ARL15: variants seen among roughly 807,000 people sequenced by gnomAD.
ARL15 encodes ARF like GTPase 15.
A neutral mutation model predicts 25.2 loss-of-function variants in ARL15; 19 were observed. The observed-to-expected ratio is 0.75, with a 90% CI of 0.53 to 1.10. ARL15 has a LOEUF of 1.10. Among genes scored for constraint, ARL15 ranks in the 50% least tolerant of loss-of-function variants. The pLI, the probability that ARL15 is intolerant of heterozygous loss-of-function variation, is 0.00. For missense variants in ARL15, 220 were observed against 246.0 expected, an observed-to-expected ratio of 0.89 and a Z score of 0.71; for synonymous variants, 94 against 86.8, an observed-to-expected ratio of 1.08 and a Z score of -0.46.
At chr5:53,907,476 ATATATATATATATTTTTTT>A (rs1307725418) in intron 4 of ARL15, among the ~76,000 whole-genome samples, 16 of 25,112 alleles carry the variant, frequency 6.4e-4, no homozygotes, top group Non-Finnish European at 1.1e-3. Context: ...ATATATATAT[ATATATATATATATTTTTTT>A]TTTTTTTTTT....
intron 4 of ARL15, among the ~76,000 whole-genome samples, chr5:53,959,782 A>C (rs895221702): frequency 2.7e-5 from 4 of 149,924 alleles, no homozygotes; most frequent in Non-Finnish European, 4.4e-5. Context: ...CTCCCTCCTC[A>C]CTCCCTGCCC....
chr5:54,304,714 T>G (rs1204691923), intron 1 of ARL15, among the ~76,000 whole-genome samples: 1 of 152,244 alleles, frequency 6.6e-6, no homozygotes, highest in Admixed American at 6.5e-5. Flanking sequence ...GAAAGGAATA[T>G]TTAATATGAC....
chr5:54,094,998 CAG>C (rs1180614712), intron 4 of ARL15, among the ~76,000 whole-genome samples: 4 of 152,156 alleles, frequency 2.6e-5, no homozygotes, highest in Non-Finnish European at 5.9e-5. Flanking sequence ...AAGAAGAAAA[CAG>C]TGTGAAATCA....
intron 4 of ARL15, among the ~76,000 whole-genome samples, chr5:54,069,588 C>G (rs1017059825): frequency 1.5e-5 from 2 of 137,222 alleles, no homozygotes; most frequent in South Asian, 2.3e-4. Flanking sequence ...AAAAAAACCA[C>G]GAAAAAACCA....
At chr5:54,111,643 T>C (rs1752743617) in intron 4 of ARL15, among the ~76,000 whole-genome samples, 1 of 152,148 alleles carries the variant, frequency 6.6e-6, no homozygotes, top group African/African-American at 2.4e-5. Flanking sequence ...TATCTGAAGT[T>C]AAAATGGCAC....
In ARL15 at chr5:54,085,135, T is replaced by A. The variant is rs114236030; in HGVS notation, c.462+28067A>T. 8.9e-3 allele frequency among the ~76,000 whole-genome samples: 1,363 copies of A among 152,308 alleles called. 24 individuals carry two copies. Among genetic ancestry groups the A allele is most frequent in the African/African-American group, 0.031 (1,291 of 41,548 alleles). ...GTGAACTGAAATGACACTGCTACCA[T>A]GTCTTTTCTGTACAGAACAGGGAAA... On this transcript the variant is annotated intron_variant, in intron 4 of 4. Transcript: ENST00000504924.
chr5:54,039,275 T>C (rs1003167569), intron 4 of ARL15, among the ~76,000 whole-genome samples: 7 of 151,480 alleles, frequency 4.6e-5, no homozygotes, highest in African/African-American at 1.5e-4. Flanking sequence ...ACCTGAAAAA[T>C]TGGCAGATGA....
intron 1 of ARL15, among the ~76,000 whole-genome samples, chr5:54,173,306 A>G (rs1040330416): frequency 3.9e-5 from 6 of 152,066 alleles, no homozygotes; most frequent in African/African-American, 1.4e-4. Context: ...GGGGCCAACT[A>G]TGTGCCAGCT....
At chr5:54,156,795 C>G (rs1754248032) in intron 2 of ARL15, among the ~76,000 whole-genome samples, 1 of 152,150 alleles carries the variant, frequency 6.6e-6, no homozygotes, top group African/African-American at 2.4e-5. Context: ...TCACTGAATC[C>G]TAGTAAATGA....
intron 1 of ARL15, among the ~76,000 whole-genome samples, chr5:54,193,813 T>A (rs905800776): frequency 6.6e-6 from 1 of 152,000 alleles, no homozygotes; most frequent in Non-Finnish European, 1.5e-5. Context: ...ATTTGTTGAT[T>A]TCCTGAAATA....
intron 4 of ARL15, among the ~76,000 whole-genome samples, chr5:53,886,978 G>GA (rs1467198521): frequency 1.3e-5 from 2 of 152,178 alleles, no homozygotes; most frequent in Non-Finnish European, 2.9e-5. Flanking sequence ...TGGGAGGTCT[G>GA]ATGAAGTCAG....
intron 1 of ARL15, among the ~76,000 whole-genome samples, chr5:54,261,655 G>A (rs1228984958): frequency 6.6e-6 from 1 of 152,036 alleles, no homozygotes; most frequent in Non-Finnish European, 1.5e-5. Context: ...ATCTAGTCAA[G>A]TCCTTTATAT....
At chr5:53,896,612 T>G (rs549003797) in intron 4 of ARL15, among the ~76,000 whole-genome samples, 65 of 152,236 alleles carry the variant, frequency 4.3e-4, no homozygotes, top group Admixed American at 5.9e-4. Context: ...TCCTCCTGCC[T>G]CAGCCTCCAG....
chr5:54,131,544 A>C (rs1753436279), intron 3 of ARL15, among the ~76,000 whole-genome samples: 1 of 152,202 alleles, frequency 6.6e-6, no homozygotes, highest in Non-Finnish European at 1.5e-5. Flanking sequence ...CAGAGTAGTC[A>C]GTTATCTACA....
In ARL15 at chr5:54,075,952, T is replaced by C. The variant is rs191790136; in HGVS notation, c.462+37250A>G. Among the ~76,000 whole-genome samples the C allele has an allele frequency of 4.6e-4, 70 of 152,306 alleles. 1 individual carries two copies. The highest frequency in any genetic ancestry group is 8.8e-5 in the Non-Finnish European group (6 of 68,022). Reference sequence around the variant, plus strand: ...GGATTTATACACTGACTCTGCAGTTTGTCTTTTAACCCATTATACTACCTT... The same window carrying C: ...GGATTTATACACTGACTCTGCAGTTCGTCTTTTAACCCATTATACTACCTT... On this transcript the variant is annotated intron_variant, in intron 4 of 4. Coordinates refer to ENST00000504924, the MANE Select transcript of ARL15 (RefSeq NM_019087.3).
intron 4 of ARL15, among the ~76,000 whole-genome samples, chr5:53,945,014 G>A (rs1476893157): frequency 6.6e-6 from 1 of 152,162 alleles, no homozygotes; most frequent in Non-Finnish European, 1.5e-5. Flanking sequence ...TGATTCCTGG[G>A]CAACAGATCA....
chr5:54,141,086 G>T (rs1753766220), intron 3 of ARL15, among the ~76,000 whole-genome samples: 1 of 151,996 alleles, frequency 6.6e-6, no homozygotes, highest in Non-Finnish European at 1.5e-5. Context: ...TATCACTACG[G>T]CATGAACCAC....
chr5:54,008,679 T>C (rs888419847), intron 4 of ARL15, among the ~76,000 whole-genome samples: 1 of 152,232 alleles, frequency 6.6e-6, no homozygotes, highest in African/African-American at 2.4e-5. Context: ...TGACTGCTAC[T>C]CTGTCATGTG....
intron 4 of ARL15, chr5:53,887,336 A>G (rs1210845686): frequency 2.9e-6 from 2 of 699,948 alleles, no homozygotes; most frequent in Non-Finnish European, 2.6e-6. Flanking sequence ...ATTTACATAT[A>G]TGCGTAAAAT....
Sources: allele counts gnomAD v4.1 joint callset (sites outside exome capture counted in the v4.1 genomes callset), GRCh38; gene constraint gnomAD v4.1.1; transcripts MANE v1.5; gene names NCBI Gene and HGNC (gene_info 2026-07-23, HGNC 2026-07-21).